Variants in CYP4F11 observed in about 807,000 individuals in gnomAD.
CYP4F11 encodes the protein cytochrome P450 family 4 subfamily F member 11, also known as cytochrome P450 4F11.
In CYP4F11, 79 loss-of-function variants were observed where a neutral mutation model predicts 62.2. That is an observed-to-expected ratio of 1.27 (90% CI 1.06 to 1.53). The LOEUF is 1.53. Among genes scored for constraint, CYP4F11 ranks in the 40% most tolerant of loss-of-function variants. CYP4F11 has a pLI of 0.00. For synonymous variants in CYP4F11, 290 were observed against 263.7 expected (o/e 1.10, Z -0.97); for missense variants, 777 against 680.5 (o/e 1.14, Z -1.58).
In CYP4F11 at chr19:15,912,739, G is replaced by GTATATGTGTGTGTGTGTGTGTATA. The variant is rs2089544467; in HGVS notation, c.*992_*993insTATACACACACACACACACATATA. On this transcript the variant is annotated 3_prime_UTR_variant, in exon 12 of 12. Coordinates refer to ENST00000402119, the MANE Select transcript of CYP4F11 (RefSeq NM_021187.4). ...TGTGTGTGTGTGTGTGTGTGTATATGTATATATGTGTGTGTGTGTGTGTGT... is the reference window on the plus strand; with the variant it reads ...TGTGTGTGTGTGTGTGTGTGTATATGTATATGTGTGTGTGTGTGTGTATATATATATGTGTGTGTGTGTGTGTGT... The GTATATGTGTGTGTGTGTGTGTATA allele has an allele frequency of 2.7e-5, 1 of 37,604 alleles. No individual in the cohort carries two copies. The highest frequency in any genetic ancestry group is 1.1e-3 in the South Asian group (1 of 944). The allele number at this position is 37,604 out of a possible 1,614,324, so 2.3% of individuals were successfully genotyped here. A position where few individuals can be genotyped will look rare whatever the true frequency, so the allele number is the denominator to read the frequency against.
chr19:15,922,573 A>G, intron 6 of CYP4F11, 143 bp from the exon 7 acceptor site: 1 of 811,222 alleles, frequency 1.2e-6, no homozygotes, highest in Non-Finnish European at 2.0e-6. Flanking sequence ...TCTCTTGGTC[A>G]CCACCATCAG....
In CYP4F11 at chr19:15,914,875, G is replaced by T. The variant is rs1390077676; in HGVS notation, c.1136C>A (p.Pro379His). The change falls in exon 9 of 12, where the codon CCC (proline) becomes CAC (histidine). Residue 379 changes from proline to histidine, a missense_variant. Physicochemically the swap from Pro to His is moderately conservative, Grantham distance 77. Transcript: ENST00000402119. ...EIEWDDLAQL[P>H]FLTMCIKESL... ...CTCCTTAATGCACATGGTCAGGAAG[G>T]GCAGCTGGGCCAGGTCGTCCCTAAG... 6.8e-6 allele frequency: 11 copies of T among 1,614,016 alleles called. No individual in the cohort carries two copies. Among genetic ancestry groups the T allele is most frequent in the Admixed American group, 1.7e-5 (1 of 60,002 alleles).
chr19:15,930,244 G>C (rs185090056), intron 1 of CYP4F11, among the ~76,000 whole-genome samples: 6 of 152,248 alleles, frequency 3.9e-5, no homozygotes, highest in African/African-American at 1.4e-4. Flanking sequence ...CTGAACAGCT[G>C]CAGAGAATCT....
rs189197611 is a variant in CYP4F11, at chr19:15,921,924, G to C, written c.1115+113C>G. On this transcript the variant is annotated intron_variant, in intron 8 of 11. Coordinates refer to ENST00000402119, the MANE Select transcript of CYP4F11 (RefSeq NM_021187.4). ...AAGCCCTGCCTCTGAGATTTGCACC[G>C]ATTCCCACTAAGCGATAATGGAAGA... 4.5e-6 allele frequency: 6 copies of C among 1,333,976 alleles called. No homozygotes were observed. The East Asian group carries it at 1.5e-4, about 34-fold the overall frequency. 82.6% of individuals were successfully genotyped at this position (1,333,976 alleles called of 1,614,324 possible).
At chr19:15,930,648 G>C (rs1288329190) in intron 1 of CYP4F11, among the ~76,000 whole-genome samples, 1 of 152,182 alleles carries the variant, frequency 6.6e-6, no homozygotes, top group Non-Finnish European at 1.5e-5. Context: ...GAGGGAGAAG[G>C]CAAGCTGTCT....
intron 8 of CYP4F11, 45 bp from the exon 9 acceptor site, chr19:15,914,940 C>T (rs755250510): frequency 2.4e-5 from 38 of 1,599,552 alleles, no homozygotes; most frequent in Middle Eastern, 1.7e-4. Context: ...GGAACAAAGA[C>T]ACAATTCTCC....
intron 8 of CYP4F11, among the ~76,000 whole-genome samples, chr19:15,917,890 G>A (rs1457742324): frequency 6.6e-6 from 1 of 152,106 alleles, no homozygotes; most frequent in Non-Finnish European, 1.5e-5. Context: ...AGTCCTCAAA[G>A]ATCTAGGGGC....
Position 15,934,458 on chromosome 19 carries a change from G to T in CYP4F11, c.-50C>A. On this transcript the variant is annotated 5_prime_UTR_variant, in exon 1 of 12. Transcript: ENST00000402119. ...GTGGGATCCTGAGGCCCAGGGAAGG[G>T]CCCAGGAAGCTCCAAGGACAGTGGA... The T allele has an allele frequency of 4.4e-6, 7 of 1,597,106 alleles. No individual in the cohort carries two copies. The highest frequency in any genetic ancestry group is 6.0e-6 in the Non-Finnish European group (7 of 1,173,770).
Position 15,931,234 on chromosome 19 carries a change from C to T in CYP4F11, c.199-1633G>A, listed in dbSNP as rs539523657. On this transcript the variant is annotated intron_variant, in intron 1 of 11. Coordinates refer to ENST00000402119, the MANE Select transcript of CYP4F11 (RefSeq NM_021187.4). ...CTCTTCTGGACCCTCTGTGTCCCTG[C>T]GTATGGAAAGGGGCTCAGAGCTAAT... 1.6e-4 allele frequency among the ~76,000 whole-genome samples: 24 copies of T among 151,844 alleles called. 1 individual carries two copies. Among genetic ancestry groups the T allele is most frequent in the African/African-American group, 3.2e-4 (13 of 41,186 alleles).
At chr19:15,932,265 G>C (rs111219601) in intron 1 of CYP4F11, among the ~76,000 whole-genome samples, 1 of 14,612 alleles carries the variant, frequency 6.8e-5, no homozygotes, top group African/African-American at 3.8e-4. Flanking sequence ...AGTGAGTGGG[G>C]AGAGGAATGA....
intron 8 of CYP4F11, among the ~76,000 whole-genome samples, chr19:15,917,558 G>T (rs1361498751): frequency 6.6e-6 from 1 of 152,076 alleles, no homozygotes; most frequent in Non-Finnish European, 1.5e-5. Flanking sequence ...ACCCACATCT[G>T]GTAAAGGAAG....
intron 8 of CYP4F11, among the ~76,000 whole-genome samples, chr19:15,918,292 G>A (rs374965225): frequency 2.0e-4 from 31 of 152,258 alleles, no homozygotes; most frequent in African/African-American, 7.0e-4. Flanking sequence ...GTCACAGGGA[G>A]GGGTTGGGGA....
chr19:15,919,413 C>CGTATGGAT (rs59693931), intron 8 of CYP4F11, among the ~76,000 whole-genome samples: 8 of 144,506 alleles, frequency 5.5e-5, no homozygotes, highest in African/African-American at 1.8e-4. Flanking sequence ...GATGGATGGA[C>CGTATGGAT]GGATGGATGG....
chr19:15,921,054 G>GTCTCTCTCTCTCTCTCTC (rs60842401), intron 8 of CYP4F11, among the ~76,000 whole-genome samples: 26 of 122,464 alleles, frequency 2.1e-4, no homozygotes, highest in Non-Finnish European at 2.9e-4. Context: ...CTCTCTTTCT[G>GTCTCTCTCTCTCTCTCTC]TCTCTCTCTC....
At position 15,913,278 on chromosome 19, in the gene CYP4F11, G is replaced by C. The variant is rs901516566; in HGVS notation, c.*454C>G. 2 of 162,716 alleles carry C rather than the reference G, an allele frequency of 1.2e-5. No individual in the cohort carries two copies. The highest frequency in any genetic ancestry group is 4.8e-5 in the African/African-American group (2 of 41,446). 10.1% of individuals were successfully genotyped at this position (162,716 alleles called of 1,614,324 possible). A position where few individuals can be genotyped will look rare whatever the true frequency, so the allele number is the denominator to read the frequency against. ...GTGGAAAAAGGAACTAAAAATTTCT[G>C]AGAGCCTGCCAGGGTGGAAGCTGCA... On this transcript the variant is annotated 3_prime_UTR_variant, in exon 12 of 12. Transcript: ENST00000402119.
chr19:15,923,785 T>A (rs1271616106), intron 6 of CYP4F11, 27 bp downstream of exon 6: 3 of 1,601,186 alleles, frequency 1.9e-6, no homozygotes, highest in Non-Finnish European at 1.7e-6. Flanking sequence ...ACTCTATTAC[T>A]TGAATTCACA....
chr19:15,912,479 C>G lies in CYP4F11; in HGVS notation c.*1253G>C, dbSNP rs746732543. ...AGATCAGAATCAAGGCCAGAGTAAC[C>G]GAGTGTAGCAAGGGAAGGAGATCAG... On this transcript the variant is annotated 3_prime_UTR_variant, in exon 12 of 12. Transcript: ENST00000402119. 6.6e-6 allele frequency: 1 copy of G among 151,262 alleles called. No homozygotes were observed. Among genetic ancestry groups the G allele is most frequent in the Admixed American group, 6.6e-5 (1 of 15,190 alleles). 9.4% of individuals were successfully genotyped at this position (151,262 alleles called of 1,614,324 possible).
intron 6 of CYP4F11, 105 bp from the exon 7 acceptor site, chr19:15,922,535 A>G (rs2089637138): frequency 1.6e-6 from 2 of 1,238,428 alleles, no homozygotes; most frequent in Non-Finnish European, 2.4e-6. Flanking sequence ...CCTTCCAGAA[A>G]CCCAAGCCCA....
chr19:15,914,751 G>T lies in CYP4F11; in HGVS notation c.1249+11C>A. On this transcript the variant is annotated intron_variant, in intron 9 of 11. Transcript: ENST00000402119. Reference sequence around the variant, plus strand: ...TACCCAGGAGGCTCCTCCCCCTGAGGCTGTGAGCACCTTTGGGGATGACGC... The same window carrying T: ...TACCCAGGAGGCTCCTCCCCCTGAGTCTGTGAGCACCTTTGGGGATGACGC... 1.2e-6 allele frequency: 2 copies of T among 1,614,112 alleles called. No homozygotes were observed. Among genetic ancestry groups the T allele is most frequent in the Non-Finnish European group, 1.7e-6 (2 of 1,179,938 alleles).
Sources: gnomAD v4.1 joint callset for allele counts (sites outside exome capture counted in the v4.1 genomes callset) on GRCh38, gnomAD v4.1.1 for gene constraint, MANE v1.5 for transcripts, NCBI Gene and HGNC (gene_info 2026-07-23, HGNC 2026-07-21) for gene names.